EGFR: variants seen among roughly 807,000 people sequenced by gnomAD.
The protein encoded by EGFR is avian erythroblastic leukemia viral (v-erb-b) oncogene homolog.
A neutral mutation model predicts 143.0 loss-of-function variants in EGFR; 58 were observed. That is an observed-to-expected ratio of 0.41 (90% CI 0.33 to 0.50). EGFR has a LOEUF of 0.50. Among genes scored for constraint, EGFR ranks in the 20% least tolerant of loss-of-function variants. EGFR has a pLI of 0.39. For missense variants in EGFR, 1,307 were observed against 1,579.0 expected, an observed-to-expected ratio of 0.83 and a Z score of 2.92; for synonymous variants, 613 against 594.4, an observed-to-expected ratio of 1.03 and a Z score of -0.45.
intron 14 of EGFR, among the ~76,000 whole-genome samples, chr7:55,164,554 G>A (rs1028133023): frequency 7.9e-5 from 12 of 152,134 alleles, no homozygotes; most frequent in African/African-American, 2.9e-4. Flanking sequence ...TTAAATTTCT[G>A]TCATTAAAAT....
intron 17 of EGFR, among the ~76,000 whole-genome samples, chr7:55,173,382 G>GT (rs1189927659): frequency 9.9e-5 from 15 of 152,260 alleles, no homozygotes; most frequent in African/African-American, 3.4e-4. Context: ...CGGTGCCTGT[G>GT]TGTGCATAGG....
At position 55,207,373 on chromosome 7, in the gene EGFR, G is replaced by T. The variant is rs752512770; in HGVS notation, c.*1756G>T. On this transcript the variant is annotated 3_prime_UTR_variant, in exon 28 of 28. Transcript: ENST00000275493. ...CAAATACCCCTAAGCATCTATACTA[G>T]CCTGGTATGGGTATGAAAGATACAA... The T allele has an allele frequency of 1.0e-4, 23 of 222,596 alleles. No homozygotes were observed. The highest frequency in any genetic ancestry group is 1.7e-4 in the Non-Finnish European group (19 of 111,604). 13.8% of individuals were successfully genotyped at this position (222,596 alleles called of 1,614,324 possible). A position where few individuals can be genotyped will look rare whatever the true frequency, so the allele number is the denominator to read the frequency against.
rs117971583 is a variant in EGFR, at chr7:55,186,508, C to T, written c.2469+5030C>T. Among the ~76,000 whole-genome samples, 306 of 152,310 alleles carry T rather than the reference C, an allele frequency of 2.0e-3. 2 individuals carry two copies. The highest frequency in any genetic ancestry group is 6.2e-3 in the African/African-American group (259 of 41,566). ...TACCCAGCACGTTCACATCACACAG[C>T]TTTGTGGATTCCTAGGTCCAAGGAC... On this transcript the variant is annotated intron_variant, in intron 20 of 27. Transcript: ENST00000275493.
intron 1 of EGFR, among the ~76,000 whole-genome samples, chr7:55,027,618 C>T (rs1015447061): frequency 6.6e-6 from 1 of 152,154 alleles, no homozygotes; most frequent in Non-Finnish European, 1.5e-5. Context: ...TTAACTTTCT[C>T]CCCAACAGCA....
intron 1 of EGFR, among the ~76,000 whole-genome samples, chr7:55,035,510 T>TA (rs35679531): frequency 0.21 from 28,907 of 139,734 alleles, 3,513 homozygotes; most frequent in African/African-American, 0.36. Context: ...CCGTCTTCAC[T>TA]AAAAAAAAAA....
At chr7:55,203,321 AC>A (rs1445919942) in intron 27 of EGFR, among the ~76,000 whole-genome samples, 2 of 150,030 alleles carry the variant, frequency 1.3e-5, no homozygotes, top group East Asian at 3.9e-4. Flanking sequence ...CACACACACC[AC>A]ATACACACAC....
chr7:55,191,915 C>G (rs369725826), intron 21 of EGFR, 41 bp downstream of exon 21: 2 of 1,610,290 alleles, frequency 1.2e-6, no homozygotes, highest in Non-Finnish European at 1.7e-6. Context: ...TTTCCTGACA[C>G]CAGGGACCAG....
intron 1 of EGFR, among the ~76,000 whole-genome samples, chr7:55,064,704 A>G (rs148875544): frequency 6.6e-6 from 1 of 152,372 alleles, no homozygotes; most frequent in Non-Finnish European, 1.5e-5. Context: ...TGAAACCATT[A>G]TATAACAAGA....
intron 1 of EGFR, among the ~76,000 whole-genome samples, chr7:55,071,414 G>A (rs766275059): frequency 3.1e-4 from 47 of 152,096 alleles, no homozygotes; most frequent in South Asian, 2.3e-3. Flanking sequence ...TTCATTATTC[G>A]GAACCTTCAA....
At chr7:55,099,296 G>A (rs1052469444) in intron 1 of EGFR, among the ~76,000 whole-genome samples, 1 of 152,190 alleles carries the variant, frequency 6.6e-6, no homozygotes, top group Non-Finnish European at 1.5e-5. Context: ...GCTGTGCTGG[G>A]TTAGGCAGAG....
chr7:55,179,516 G>C (rs1253789394), intron 19 of EGFR, among the ~76,000 whole-genome samples: 3 of 152,216 alleles, frequency 2.0e-5, no homozygotes, highest in Admixed American at 6.5e-5. Context: ...CGTGGGTAAG[G>C]GTGGAGGGAA....
At chr7:55,023,623 C>T (rs897142408) in intron 1 of EGFR, among the ~76,000 whole-genome samples, 1 of 148,064 alleles carries the variant, frequency 6.8e-6, no homozygotes, top group Non-Finnish European at 1.5e-5. Context: ...TGCACTCCAG[C>T]CCGCGCGACA....
chr7:55,045,198 C>A (rs1054964034), intron 1 of EGFR, among the ~76,000 whole-genome samples: 13 of 152,168 alleles, frequency 8.5e-5, no homozygotes, highest in African/African-American at 3.1e-4. Context: ...TCAACATTTT[C>A]AAATCTTTGA....
intron 26 of EGFR, among the ~76,000 whole-genome samples, 168 bp from the exon 27 acceptor site, chr7:55,202,349 C>A (rs1036101893): frequency 1.3e-5 from 2 of 152,236 alleles, no homozygotes; most frequent in African/African-American, 2.4e-5. Context: ...GCTGCCCACC[C>A]TGCAGCCTGT....
chr7:55,025,974 A>C (rs1786861358), intron 1 of EGFR, among the ~76,000 whole-genome samples: 1 of 152,228 alleles, frequency 6.6e-6, no homozygotes, highest in South Asian at 2.1e-4. Flanking sequence ...GAACCAAAAA[A>C]AGTAGGAGAT....
intron 15 of EGFR, chr7:55,170,662 T>A: frequency 6.3e-7 from 1 of 1,595,364 alleles, no homozygotes; most frequent in South Asian, 1.1e-5. Context: ...CCTTTGCCAG[T>A]GCCTCTCACC....
intron 1 of EGFR, among the ~76,000 whole-genome samples, chr7:55,125,416 A>T (rs1055575038): frequency 4.8e-5 from 2 of 41,808 alleles, no homozygotes; most frequent in Admixed American, 3.9e-4. Flanking sequence ...TCTCAGTTAG[A>T]GAAGAAGAGT....
chr7:55,165,494 A>G (rs925135040), intron 15 of EGFR, 57 bp downstream of exon 15: 5 of 1,565,740 alleles, frequency 3.2e-6, no homozygotes, highest in Non-Finnish European at 4.3e-6. Flanking sequence ...TCAGAGATCA[A>G]AAATGTCTCC....
intron 1 of EGFR, among the ~76,000 whole-genome samples, chr7:55,071,450 T>C (rs746290787): frequency 6.6e-6 from 1 of 152,252 alleles, no homozygotes; most frequent in Non-Finnish European, 1.5e-5. Context: ...CTCTCAAAAA[T>C]GTGTTTTTTG....
Sources: allele counts gnomAD v4.1 joint callset (sites outside exome capture counted in the v4.1 genomes callset), GRCh38; gene constraint gnomAD v4.1.1; transcripts MANE v1.5; gene names NCBI Gene and HGNC (gene_info 2026-07-23, HGNC 2026-07-21).